The following AVEN variants were observed in gnomAD, a reference collection of about 807,000 sequenced individuals.
AVEN encodes the protein cell death regulator Aven.
A neutral mutation model predicts 38.1 loss-of-function variants in AVEN; 41 were observed. The ratio of observed to expected loss-of-function variants is 1.08; its 90% CI spans 0.84 to 1.40. The LOEUF is 1.40. Among genes scored for constraint, AVEN ranks in the 40% most tolerant of loss-of-function variants. The probability of loss-of-function intolerance (pLI) is 0.00; values close to 1 mark genes in which losing one functional copy is unlikely to be tolerated. For synonymous variants in AVEN, 206 were observed against 171.8 expected (o/e 1.20, Z -1.56); for missense variants, 605 against 438.8 (o/e 1.38, Z -3.38).
chr15:34,070,176 G>A (rs1296016519), intron 2 of AVEN, among the ~76,000 whole-genome samples: 3 of 152,132 alleles, frequency 2.0e-5, no homozygotes, highest in African/African-American at 4.8e-5. Flanking sequence ...ATCAGATCTC[G>A]TGAGAACTTA....
intron 1 of AVEN, among the ~76,000 whole-genome samples, chr15:34,019,081 A>G (rs1429854025): frequency 1.3e-5 from 2 of 151,994 alleles, no homozygotes; most frequent in Admixed American, 6.6e-5. Context: ...TCAATCCTTT[A>G]GCTAGACACA....
At chr15:34,064,265 G>GA (rs749287251) in intron 4 of AVEN, 1 of 1,611,640 alleles carries the variant, frequency 6.2e-7, no homozygotes, top group South Asian at 1.1e-5. Context: ...GATGGAAAAA[G>GA]AAAAAAGTGG....
intron 2 of AVEN, among the ~76,000 whole-genome samples, chr15:33,947,683 T>C (rs1216658310): frequency 1.3e-5 from 2 of 152,248 alleles, no homozygotes; most frequent in Admixed American, 6.5e-5. Flanking sequence ...ATAGTTTTAC[T>C]ATTTTTTTAT....
chr15:33,997,045 G>A (rs1896965367), intron 2 of AVEN, among the ~76,000 whole-genome samples: 2 of 152,162 alleles, frequency 1.3e-5, no homozygotes, highest in Admixed American at 1.3e-4. Flanking sequence ...CATGGCACAA[G>A]AATGTAGCAA....
chr15:33,890,766 C>T (rs1406945129), intron 2 of AVEN, among the ~76,000 whole-genome samples: 4 of 152,114 alleles, frequency 2.6e-5, no homozygotes, highest in Non-Finnish European at 5.9e-5. Flanking sequence ...CTATCCAAGA[C>T]AAGTGAACAG....
At position 33,869,825 on chromosome 15, in the gene AVEN, C is replaced by CTT. The variant is rs377321444; in HGVS notation, c.612+1108_612+1109dup. ...AAAATCAGTACGTCCCAAGGTTTCA[C>CTT]TTTTTTTTTTTTTTTTGATCGTGCC... On this transcript the variant is annotated intron_variant, in intron 4 of 5. Transcript: ENST00000306730. Among the ~76,000 whole-genome samples, 54 of 142,206 alleles carry CTT rather than the reference C, an allele frequency of 3.8e-4. 1 individual carries two copies. Among genetic ancestry groups the CTT allele is most frequent in the African/African-American group, 9.3e-4 (36 of 38,916 alleles). 93.3% of individuals were successfully genotyped at this position (142,206 alleles called of 152,430 possible).
At chr15:33,996,990 A>C (rs1896962493) in intron 2 of AVEN, among the ~76,000 whole-genome samples, 1 of 152,356 alleles carries the variant, frequency 6.6e-6, no homozygotes, top group Admixed American at 6.5e-5. Flanking sequence ...TAACTAGAAT[A>C]AACAGCGTAG....
intron 2 of AVEN, among the ~76,000 whole-genome samples, chr15:33,968,099 T>TAAAAAAAA (rs71119906): frequency 0.016 from 400 of 25,800 alleles, 109 homozygotes; most frequent in East Asian, 0.089. Context: ...TAGCAAAGCT[T>TAAAAAAAA]AAAAAAAAAA....
intron 11 of AVEN, chr15:33,860,562 C>T (rs576730554): frequency 2.1e-6 from 3 of 1,405,348 alleles, no homozygotes; most frequent in Non-Finnish European, 3.0e-6. Context: ...AACCACTACA[C>T]AGATTGCTTT....
intron 2 of AVEN, among the ~76,000 whole-genome samples, chr15:33,917,385 C>G (rs1184440529): frequency 0.012 from 1 of 86 alleles, no homozygotes; most frequent in East Asian, 0.12. Flanking sequence ...TATACACACA[C>G]ACACACACAC....
chr15:33,870,129 G>A (rs1379422982), intron 4 of AVEN, among the ~76,000 whole-genome samples: 12 of 151,856 alleles, frequency 7.9e-5, no homozygotes, highest in East Asian at 1.9e-4. Flanking sequence ...CCAATATACC[G>A]TCAAATCCTG....
chr15:34,050,758 C>T (rs1460364288), intron 5 of AVEN, among the ~76,000 whole-genome samples: 1 of 152,116 alleles, frequency 6.6e-6, no homozygotes, highest in Non-Finnish European at 1.5e-5. Flanking sequence ...GAAAGAAGGG[C>T]ATTACATAAT....
chr15:33,896,276 A>C (rs1892229105), intron 2 of AVEN, among the ~76,000 whole-genome samples: 1 of 152,206 alleles, frequency 6.6e-6, no homozygotes. Context: ...GTCAATCAAA[A>C]TAATGCCAGA....
In AVEN at chr15:33,867,529, G is replaced by C. The variant is rs767121453; in HGVS notation, c.939C>G (p.Ser313=). 3 of 1,596,366 alleles carry C rather than the reference G, an allele frequency of 1.9e-6. No individual in the cohort carries two copies. The highest frequency in any genetic ancestry group is 2.2e-5 in the East Asian group (1 of 44,746). ...LPDQTSQDLK[S]KEDGEVVQEE... ...CTTGGACCACCTCCCCATCTTCCTTGGATTTCAGGTCCTGAGACGTCTGAT... is the reference window on the plus strand; with the variant it reads ...CTTGGACCACCTCCCCATCTTCCTTCGATTTCAGGTCCTGAGACGTCTGAT... Residue 313 remains serine (S), a synonymous_variant, in exon 5 of 6, where the codon TCC becomes TCG. Coordinates refer to ENST00000306730, the MANE Select transcript of AVEN (RefSeq NM_020371.3).
At chr15:33,853,047 C>G in the AVEN span, 3 of 1,606,040 alleles carry the variant, frequency 1.9e-6, no homozygotes, top group East Asian at 2.2e-5. Flanking sequence ...TTTTTCAGAT[C>G]TTTTCCTAAT....
chr15:33,874,096 G>C (rs191456095), intron 3 of AVEN, among the ~76,000 whole-genome samples: 163 of 152,010 alleles, frequency 1.1e-3, no homozygotes, highest in Admixed American at 2.1e-3. Flanking sequence ...CCATGTTCTT[G>C]CTAAACAAAA....
intron 2 of AVEN, among the ~76,000 whole-genome samples, chr15:33,911,880 A>C (rs74866062): frequency 0.016 from 2,506 of 152,336 alleles, 37 homozygotes; most frequent in South Asian, 0.03. Flanking sequence ...ATACAGAAGA[A>C]CTTCCAGAGA....
intron 2 of AVEN, among the ~76,000 whole-genome samples, chr15:33,990,387 AAAAAG>A (rs1319709624): frequency 2.0e-5 from 3 of 152,142 alleles, no homozygotes; most frequent in Admixed American, 6.5e-5. Flanking sequence ...GTCTGAAAAA[AAAAAG>A]AAAAGAAAAG....
At chr15:33,952,137 T>C (rs1273380028) in intron 2 of AVEN, among the ~76,000 whole-genome samples, 1 of 152,134 alleles carries the variant, frequency 6.6e-6, no homozygotes, top group African/African-American at 2.4e-5. Context: ...TAGAAATAAA[T>C]CTGCGCCAAG....
Sources: allele counts gnomAD v4.1 joint callset (sites outside exome capture counted in the v4.1 genomes callset), GRCh38; gene constraint gnomAD v4.1.1; transcripts MANE v1.5; gene names NCBI Gene and HGNC (gene_info 2026-07-23, HGNC 2026-07-21).